The following DPP6 variants were observed in gnomAD, a reference collection of about 807,000 sequenced individuals.
DPP6 encodes A-type potassium channel modulatory protein DPP6.
DPP6 carries 69 observed loss-of-function variants against 122.6 expected under a neutral mutation model. The observed-to-expected ratio is 0.56, with a 90% CI of 0.46 to 0.69. The LOEUF is 0.69. DPP6 is among the 30% of genes least tolerant of loss of function. The pLI is 0.00. For missense variants in DPP6, 928 were observed against 1,116.9 expected (o/e 0.83, Z 2.41); for synonymous variants, 418 against 433.1 (o/e 0.97, Z 0.43).
At chr7:154,101,741 A>C (rs1805740461) in intron 1 of DPP6, among the ~76,000 whole-genome samples, 1 of 151,664 alleles carries the variant, frequency 6.6e-6, no homozygotes, top group African/African-American at 2.4e-5. Context: ...AAGCCTGGTC[A>C]ACATGGTGAA....
At chr7:154,797,156 T>G (rs1798095189) in intron 12 of DPP6, among the ~76,000 whole-genome samples, 1 of 152,204 alleles carries the variant, frequency 6.6e-6, no homozygotes, top group Non-Finnish European at 1.5e-5. Flanking sequence ...TTTTGTAAAC[T>G]CCGTTATCTA....
At chr7:154,377,123 T>C (rs1037754749) in intron 1 of DPP6, among the ~76,000 whole-genome samples, 1 of 152,134 alleles carries the variant, frequency 6.6e-6, no homozygotes, top group Non-Finnish European at 1.5e-5. Context: ...CCACAACAAC[T>C]CTCTAAGGCA....
At chr7:154,147,480 TC>T (rs1796159130) in intron 1 of DPP6, among the ~76,000 whole-genome samples, 43 of 135,580 alleles carry the variant, frequency 3.2e-4, no homozygotes, top group African/African-American at 1.5e-3. Context: ...CTTCCTTCCT[TC>T]CTTCCTTCCT....
rs781093087 is a variant in DPP6 at position 154,052,881 on chromosome 7, C to A, written c.61C>A (p.Pro21Thr). The change falls in exon 1 of 26, where the codon CCC (proline) becomes ACC (threonine). Residue 21 changes from proline to threonine, a missense_variant. By Grantham distance (38) the Pro-to-Thr change is conservative (BLOSUM62 -1). Coordinates refer to ENST00000377770, the MANE Select transcript of DPP6 (RefSeq NM_130797.4). The surrounding 1 kb of genome is among the most constrained non-coding windows in gnomAD (Gnocchi z 4.8). ...KINTSRSFPA[P>T]PEASHLLGGQ... ...CAACACCTCGAGGTCCTTCCCCGCG[C>A]CCCCGGAGGCGAGTCACCTCCTGGG... 3.3e-5 allele frequency: 50 copies of A among 1,532,554 alleles called. No homozygotes were observed. The highest frequency in any genetic ancestry group is 4.0e-5 in the Non-Finnish European group (46 of 1,140,026). The allele number at this position is 1,532,554 out of a possible 1,614,324, so 94.9% of individuals were successfully genotyped here. A position where few individuals can be genotyped will look rare whatever the true frequency, so the allele number is the denominator to read the frequency against.
chr7:154,683,370 A>G (rs1563100117), intron 7 of DPP6, among the ~76,000 whole-genome samples: 1 of 152,112 alleles, frequency 6.6e-6, no homozygotes, highest in Non-Finnish European at 1.5e-5. Context: ...AAGTGGTACC[A>G]CCATCTCTTC....
chr7:154,579,164 C>A (rs1450803953), intron 5 of DPP6, among the ~76,000 whole-genome samples: 4 of 152,096 alleles, frequency 2.6e-5, no homozygotes, highest in Non-Finnish European at 5.9e-5. Context: ...GCCTGGCCAA[C>A]ATGGCGAAAC....
Position 154,877,236 on chromosome 7 carries a change from G to A in DPP6, c.2078+1136G>A, listed in dbSNP as rs1804944301. The A allele has an allele frequency of 6.6e-6, 1 of 152,260 alleles. No homozygotes were observed. The highest frequency in any genetic ancestry group is 6.5e-5 in the Admixed American group (1 of 15,276). 9.4% of individuals were successfully genotyped at this position (152,260 alleles called of 1,614,324 possible). A position where few individuals can be genotyped will look rare whatever the true frequency, so the allele number is the denominator to read the frequency against. ...AATGAATGGTTCCGGTCCTCCTCCA[G>A]GGAGCTATGAGCTGGGTGATGGCAG... On this transcript the variant is annotated intron_variant, in intron 20 of 25. Transcript: ENST00000377770. This position sits in a 1 kb window ranked among gnomAD's most constrained non-coding sequence, Gnocchi z 5.2.
rs919195748 is a variant in DPP6, at chr7:154,833,430, C to T, written c.1667-20350C>T. On this transcript the variant is annotated intron_variant, in intron 16 of 25. Coordinates refer to ENST00000377770, the MANE Select transcript of DPP6 (RefSeq NM_130797.4). This position sits in a 1 kb window ranked among gnomAD's most constrained non-coding sequence, Gnocchi z 4.3. Reference sequence around the variant, plus strand: ...ATCGAGAAGGAGCAAGAAGTGACTTCTGTGTGCCTTGGCTGCCTCATCTAC... The same window carrying T: ...ATCGAGAAGGAGCAAGAAGTGACTTTTGTGTGCCTTGGCTGCCTCATCTAC... 6.6e-6 allele frequency among the ~76,000 whole-genome samples: 1 copy of T among 152,196 alleles called. No homozygotes were observed. Among genetic ancestry groups the T allele is most frequent in the African/African-American group, 2.4e-5 (1 of 41,438 alleles).
intron 1 of DPP6, among the ~76,000 whole-genome samples, chr7:153,917,315 T>G (rs1405862292): frequency 6.6e-6 from 1 of 152,248 alleles, no homozygotes; most frequent in Non-Finnish European, 1.5e-5. Flanking sequence ...AGAGGCCTGC[T>G]TGGAGAACAA....
chr7:154,888,903 G>T (rs915777833), intron 23 of DPP6, among the ~76,000 whole-genome samples: 2 of 152,220 alleles, frequency 1.3e-5, no homozygotes, highest in African/African-American at 4.8e-5. Flanking sequence ...CAAAGAGAAA[G>T]CATGTGCAGG....
chr7:154,853,503 A>G, intron 16 of DPP6, among the ~76,000 whole-genome samples: 1 of 152,238 alleles, frequency 6.6e-6, no homozygotes, highest in East Asian at 1.9e-4. Flanking sequence ...GTAATGCTTC[A>G]TAGAATGATG....
chr7:154,498,145 A>G (rs1405323835), intron 3 of DPP6, among the ~76,000 whole-genome samples: 1 of 152,226 alleles, frequency 6.6e-6, no homozygotes, highest in Non-Finnish European at 1.5e-5. Flanking sequence ...GCCACAGTTG[A>G]TACAGCTCAG....
At chr7:154,295,861 T>A (rs561679579) in intron 1 of DPP6, among the ~76,000 whole-genome samples, 63 of 152,256 alleles carry the variant, frequency 4.1e-4, no homozygotes, top group African/African-American at 1.4e-3. Context: ...TTTTCTTAAG[T>A]ACTGTGTCTA....
chr7:153,887,379 C>G (rs1003773485), exon 1 of DPP6: 1 of 267,880 alleles, frequency 3.7e-6, no homozygotes, highest in East Asian at 7.0e-5. Context: ...CTCGCAGCCT[C>G]TTCCTCCCTC....
intron 3 of DPP6, among the ~76,000 whole-genome samples, chr7:154,524,456 TG>T (rs1563802327): frequency 6.6e-6 from 1 of 152,142 alleles, no homozygotes; most frequent in Non-Finnish European, 1.5e-5. Context: ...TGTTGGCAGG[TG>T]GTGGTTAGGG....
At position 154,234,703 on chromosome 7, in the gene DPP6, A is replaced by C. The variant is rs533211895; in HGVS notation, c.243+181640A>C. 4.6e-5 allele frequency among the ~76,000 whole-genome samples: 7 copies of C among 152,260 alleles called. No individual in the cohort carries two copies. In the East Asian group the frequency reaches 1.4e-3, roughly 29 times the overall value. On this transcript the variant is annotated intron_variant, in intron 1 of 25. Transcript: ENST00000377770. ...CATGCACACACACTTTCTGAAGATG[A>C]GTTTTCTCATTTATGAAATGAGCTC... is the stretch of plus-strand genomic sequence containing the variant.
At chr7:154,648,094 T>TA (rs67145418) in intron 6 of DPP6, among the ~76,000 whole-genome samples, 52,518 of 146,300 alleles carry the variant, frequency 0.36, 9,546 homozygotes, top group Admixed American at 0.44. Context: ...CTATTAAAAT[T>TA]AAAAAAAAAA....
At chr7:154,835,037 T>C (rs1800942165) in intron 16 of DPP6, among the ~76,000 whole-genome samples, 1 of 152,184 alleles carries the variant, frequency 6.6e-6, no homozygotes, top group Admixed American at 6.5e-5. Flanking sequence ...CAAATGGAGC[T>C]CTTCTGACAT....
At chr7:154,779,689 C>T (rs1796909482) in intron 10 of DPP6, among the ~76,000 whole-genome samples, 1 of 152,164 alleles carries the variant, frequency 6.6e-6, no homozygotes, top group Non-Finnish European at 1.5e-5. Flanking sequence ...GCTTTCCTCC[C>T]TCAGGCTGTG....
Sources: gnomAD v4.1 joint callset for allele counts (sites outside exome capture counted in the v4.1 genomes callset) on GRCh38, gnomAD v4.1.1 for gene constraint, Gnocchi (gnomAD v3.1) non-coding constraint, MANE v1.5 for transcripts, NCBI Gene and HGNC (gene_info 2026-07-23, HGNC 2026-07-21) for gene names.